Variants in ARHGEF26 observed in about 807,000 individuals in gnomAD.
ARHGEF26 encodes Rho guanine nucleotide exchange factor 26.
ARHGEF26 carries 59 observed loss-of-function variants against 89.4 expected under a neutral mutation model. That is an observed-to-expected ratio of 0.66 (90% CI 0.54 to 0.82). The LOEUF is 0.82. Ranked by LOEUF, ARHGEF26 falls within the 40% of genes least tolerant of loss-of-function variation. The probability of loss-of-function intolerance (pLI) is 0.00; values close to 1 mark genes in which losing one functional copy is unlikely to be tolerated. For missense variants in ARHGEF26, 1,234 were observed against 1,085.6 expected, an observed-to-expected ratio of 1.14 and a Z score of -1.92; for synonymous variants, 500 against 428.4, an observed-to-expected ratio of 1.17 and a Z score of -2.06.
intron 9 of ARHGEF26, among the ~76,000 whole-genome samples, chr3:154,212,399 G>A (rs1482284866): frequency 2.0e-5 from 3 of 151,606 alleles, no homozygotes; most frequent in Non-Finnish European, 4.4e-5. Context: ...CAGAATATTT[G>A]GAAAACTTAA....
At chr3:154,123,121 TA>T in intron 2 of ARHGEF26, 46 bp downstream of exon 2, 1 of 1,605,236 alleles carries the variant, frequency 6.2e-7, no homozygotes, top group Admixed American at 1.7e-5. Flanking sequence ...AAGCGGAAAG[TA>T]AATGTGTTGG....
At chr3:154,229,226 G>C (rs1412407833) in intron 11 of ARHGEF26, among the ~76,000 whole-genome samples, 2 of 151,944 alleles carry the variant, frequency 1.3e-5, no homozygotes, top group Admixed American at 1.3e-4. Context: ...TTAGAGACGG[G>C]ACCTTGTTAT....
intron 6 of ARHGEF26, chr3:154,187,066 A>G (rs1713608842): frequency 1.2e-5 from 2 of 166,732 alleles, no homozygotes; most frequent in Non-Finnish European, 2.4e-5. Context: ...TAATTTTTGT[A>G]TTTTTAGGAG....
At chr3:154,234,237 TC>T (rs36027109) in intron 11 of ARHGEF26, among the ~76,000 whole-genome samples, 1 of 152,130 alleles carries the variant, frequency 6.6e-6, no homozygotes, top group African/African-American at 2.4e-5. Flanking sequence ...TTCCCTTGCC[TC>T]CCCATCACCA....
At chr3:154,213,498 A>T (rs1466988157) in intron 9 of ARHGEF26, among the ~76,000 whole-genome samples, 1 of 152,092 alleles carries the variant, frequency 6.6e-6, no homozygotes, top group Non-Finnish European at 1.5e-5. Context: ...GTTTGGTCTG[A>T]CTTCTGAAGC....
In ARHGEF26 at chr3:154,174,344, T is replaced by G. The variant is rs139305085; in HGVS notation, c.1488-13341T>G. 4.1e-3 allele frequency among the ~76,000 whole-genome samples: 631 copies of G among 152,326 alleles called. 2 individuals are homozygous for G. The highest frequency in any genetic ancestry group is 0.015 in the African/African-American group (613 of 41,582). On this transcript the variant is annotated intron_variant, in intron 6 of 14. Transcript: ENST00000465093. The stretch of plus-strand genomic sequence containing the variant: ...CTAATTTAGGTTTTTAAAATACATG[T>G]GTAGGGCAGTTTCAACCCACCAGCC...
At chr3:154,141,128 AT>A (rs974143380) in intron 4 of ARHGEF26, among the ~76,000 whole-genome samples, 7 of 147,834 alleles carry the variant, frequency 4.7e-5, no homozygotes, top group Admixed American at 2.7e-4. Flanking sequence ...TGCCCGGCTG[AT>A]TTTTTTTTTG....
intron 7 of ARHGEF26, among the ~76,000 whole-genome samples, chr3:154,188,402 G>A (rs952280881): frequency 1.3e-5 from 2 of 152,252 alleles, no homozygotes; most frequent in Non-Finnish European, 2.9e-5. Flanking sequence ...TGCAGCAAAA[G>A]AGTTAAGCAT....
At chr3:154,226,120 G>C in intron 11 of ARHGEF26, 110 bp downstream of exon 11, 1 of 931,172 alleles carries the variant, frequency 1.1e-6, no homozygotes, top group Non-Finnish European at 1.5e-6. Flanking sequence ...TGGAAGTATA[G>C]TTTCTACATA....
chr3:154,218,473 G>T (rs1715917063), intron 10 of ARHGEF26, among the ~76,000 whole-genome samples: 1 of 152,060 alleles, frequency 6.6e-6, no homozygotes, highest in African/African-American at 2.4e-5. Context: ...CTGCTCTTGA[G>T]CAGATGACAA....
At chr3:154,187,606 A>G in intron 6 of ARHGEF26, 79 bp from the exon 7 acceptor site, 1 of 1,250,506 alleles carries the variant, frequency 8.0e-7, no homozygotes, top group Non-Finnish European at 1.1e-6. Flanking sequence ...CCCGTGTAAT[A>G]ACATTACATG....
chr3:154,225,817 C>T, intron 10 of ARHGEF26, 39 bp from the exon 11 acceptor site: 1 of 1,553,578 alleles, frequency 6.4e-7, no homozygotes, highest in Admixed American at 2.1e-5. Flanking sequence ...AAAAGGATTT[C>T]AATTTAGCTT....
At chr3:154,182,572 G>A (rs1713254327) in intron 6 of ARHGEF26, among the ~76,000 whole-genome samples, 2 of 152,144 alleles carry the variant, frequency 1.3e-5, no homozygotes, top group African/African-American at 2.4e-5. Flanking sequence ...TCTGCACTAC[G>A]TTGATTTGTG....
At chr3:154,149,597 A>G (rs1480445537) in intron 5 of ARHGEF26, among the ~76,000 whole-genome samples, 152 bp downstream of exon 5, 1 of 152,242 alleles carries the variant, frequency 6.6e-6, no homozygotes, top group Admixed American at 6.5e-5. Context: ...ATTTTAATGT[A>G]AAGCTACGCA....
chr3:154,124,387 T>TTTTTAA, intron 2 of ARHGEF26, 23 bp from the exon 3 acceptor site: 1 of 1,415,942 alleles, frequency 7.1e-7, no homozygotes, highest in Non-Finnish European at 9.4e-7. Context: ...TTTTTTTTTT[T>TTTTTAA]TTTACTTTTT....
intron 6 of ARHGEF26, among the ~76,000 whole-genome samples, chr3:154,167,503 GTC>G (rs1179198494): frequency 6.6e-6 from 1 of 151,990 alleles, no homozygotes; most frequent in Non-Finnish European, 1.5e-5. Context: ...ATTCAGTCTA[GTC>G]TCTAGATATA....
Position 154,194,649 on chromosome 3 carries a change from CT to C in ARHGEF26, c.1777del (p.Cys593ValfsTer18). On this transcript the variant is annotated frameshift_variant, in exon 9 of 15. Transcript: ENST00000465093. LOFTEE classifies it high-confidence loss of function. ...TCACTTTTATTTCATTACAGACTAT[CT>C]GTCAAAAAACACCTAAGGACTCTCC... ...TRLPLLMDTI[C>X]QKTPKDSPKY... The C allele has an allele frequency of 6.2e-7, 1 of 1,609,854 alleles. No homozygotes were observed. Among genetic ancestry groups the C allele is most frequent in the Non-Finnish European group, 8.5e-7 (1 of 1,177,768 alleles).
intron 9 of ARHGEF26, among the ~76,000 whole-genome samples, chr3:154,217,558 A>G (rs952501076): frequency 2.6e-5 from 4 of 152,148 alleles, no homozygotes; most frequent in African/African-American, 9.7e-5. Flanking sequence ...CACATGCTTT[A>G]CACAGCACTC....
chr3:154,198,172 A>G (rs542026843), intron 9 of ARHGEF26, among the ~76,000 whole-genome samples: 23 of 152,312 alleles, frequency 1.5e-4, no homozygotes, highest in Admixed American at 1.4e-3. Context: ...TTAAAACCAC[A>G]ATGAGGTACC....
Sources: allele counts gnomAD v4.1 joint callset (sites outside exome capture counted in the v4.1 genomes callset), GRCh38; gene constraint gnomAD v4.1.1; transcripts MANE v1.5; gene names NCBI Gene and HGNC (gene_info 2026-07-23, HGNC 2026-07-21).